The following PALD1 variants were observed in gnomAD, a reference collection of about 807,000 sequenced individuals.
PALD1 encodes paladin.
Under a neutral mutation model 96.0 loss-of-function variants are expected in PALD1, and 57 were observed. The ratio of observed to expected loss-of-function variants is 0.59; its 90% CI spans 0.48 to 0.74. The LOEUF (loss-of-function observed/expected upper bound fraction) is 0.74. Among genes scored for constraint, PALD1 ranks in the 30% least tolerant of loss-of-function variants. PALD1 has a pLI of 0.00. For missense variants in PALD1, 1,063 were observed against 1,143.7 expected, an observed-to-expected ratio of 0.93 and a Z score of 1.02; for synonymous variants, 464 against 473.6, an observed-to-expected ratio of 0.98 and a Z score of 0.26.
intron 18 of PALD1, among the ~76,000 whole-genome samples, chr10:70,562,616 G>A (rs1385632008): frequency 6.6e-6 from 1 of 152,178 alleles, no homozygotes; most frequent in African/African-American, 2.4e-5. Context: ...AGATGTTCCT[G>A]GTGCCCGAGG....
At chr10:70,504,013 C>T (rs552838498) in intron 1 of PALD1, among the ~76,000 whole-genome samples, 22 of 152,346 alleles carry the variant, frequency 1.4e-4, no homozygotes, top group African/African-American at 3.4e-4. Flanking sequence ...CAGCCACCTG[C>T]GCACCCTTGG....
At chr10:70,525,692 C>T in intron 1 of PALD1, among the ~76,000 whole-genome samples, 1 of 152,080 alleles carries the variant, frequency 6.6e-6, no homozygotes, top group Admixed American at 6.6e-5. Flanking sequence ...ATCTTTATGT[C>T]TGTCTATGTC....
At chr10:70,548,411 C>T (rs996656350) in intron 18 of PALD1, among the ~76,000 whole-genome samples, 1 of 152,216 alleles carries the variant, frequency 6.6e-6, no homozygotes, top group Admixed American at 6.5e-5. Context: ...ACTCCCTGCT[C>T]TGTTGCACTC....
chr10:70,484,194 G>T (rs543512543), intron 1 of PALD1, among the ~76,000 whole-genome samples: 1 of 152,150 alleles, frequency 6.6e-6, no homozygotes, highest in East Asian at 1.9e-4. Flanking sequence ...ATAGAGATGG[G>T]GTTTCACCGC....
rs943128892 is a variant in PALD1 at position 70,533,843 on chromosome 10, T to A, written c.871-79T>A. ...GACTGTGGGGCAGGGTGGGCTGATG[T>A]CATGCTTTTCTCCCTGCTCAGGCCT... On this transcript the variant is annotated intron_variant, in intron 7 of 19. Coordinates refer to ENST00000263563, the MANE Select transcript of PALD1 (RefSeq NM_014431.3). The A allele has an allele frequency of 3.7e-6, 5 of 1,341,806 alleles. No individual in the cohort carries two copies. The African/African-American group carries it at 7.6e-5, about 20-fold the overall frequency. 83.1% of individuals were successfully genotyped at this position (1,341,806 alleles called of 1,614,324 possible). A position where few individuals can be genotyped will look rare whatever the true frequency, so the allele number is the denominator to read the frequency against.
chr10:70,470,887 C>A, the PALD1 span, among the ~76,000 whole-genome samples: 1 of 151,392 alleles, frequency 6.6e-6, no homozygotes, highest in African/African-American at 2.4e-5. Flanking sequence ...CCGCAACCTC[C>A]GCCTCCTGGG....
chr10:70,472,323 C>T, the PALD1 span, among the ~76,000 whole-genome samples: 3 of 152,246 alleles, frequency 2.0e-5, no homozygotes, highest in East Asian at 1.9e-4. Context: ...TGCAATGACG[C>T]GATCTTGGCT....
chr10:70,497,063 C>T (rs10999354), intron 1 of PALD1, among the ~76,000 whole-genome samples: 27,056 of 152,212 alleles, frequency 0.18, 2,543 homozygotes, highest in East Asian at 0.3. Flanking sequence ...TCTTCTCTGC[C>T]TTCCTCGCCC....
At chr10:70,466,397 A>G in the PALD1 span, among the ~76,000 whole-genome samples, 1 of 151,958 alleles carries the variant, frequency 6.6e-6, no homozygotes, top group Non-Finnish European at 1.5e-5. Flanking sequence ...GGTGCCCGCC[A>G]CCATGCCTGG....
chr10:70,516,311 T>C (rs1846618399), intron 1 of PALD1, among the ~76,000 whole-genome samples: 1 of 152,048 alleles, frequency 6.6e-6, no homozygotes, highest in Non-Finnish European at 1.5e-5. Flanking sequence ...TTTGTATTTT[T>C]ATAAAAAAGG....
chr10:70,465,264 G>A, the PALD1 span, among the ~76,000 whole-genome samples: 121 of 152,188 alleles, frequency 8.0e-4, no homozygotes, highest in Admixed American at 2.4e-3. Context: ...GTGAGCCACC[G>A]CACCCGGCCT....
the PALD1 span, among the ~76,000 whole-genome samples, chr10:70,468,252 GTT>G: frequency 1.4e-4 from 22 of 151,892 alleles, no homozygotes; most frequent in African/African-American, 5.1e-4. Context: ...ACCAGGTAAG[GTT>G]TTTTTTGAGA....
chr10:70,491,374 G>A (rs1214026217), intron 1 of PALD1, among the ~76,000 whole-genome samples: 1 of 152,072 alleles, frequency 6.6e-6, no homozygotes, highest in Non-Finnish European at 1.5e-5. Context: ...GCACCTCCAG[G>A]CTGCCATGGG....
intron 1 of PALD1, among the ~76,000 whole-genome samples, chr10:70,523,753 G>T (rs1395234942): frequency 6.6e-6 from 1 of 152,172 alleles, no homozygotes; most frequent in Non-Finnish European, 1.5e-5. Context: ...GGTGACAGGC[G>T]TGAGTGGGGT....
At chr10:70,492,518 G>T (rs751143929) in intron 1 of PALD1, among the ~76,000 whole-genome samples, 1 of 138,184 alleles carries the variant, frequency 7.2e-6, no homozygotes, top group African/African-American at 2.6e-5. Context: ...GTGCAGTGGC[G>T]CAATCTTGGC....
At chr10:70,491,011 T>C (rs951036409) in intron 1 of PALD1, among the ~76,000 whole-genome samples, 3 of 152,124 alleles carry the variant, frequency 2.0e-5, no homozygotes, top group African/African-American at 7.2e-5. Flanking sequence ...CATGGTGCGA[T>C]CTGGGCTCAC....
At chr10:70,533,112 G>C in intron 7 of PALD1, 42 bp downstream of exon 7, 2 of 1,504,652 alleles carry the variant, frequency 1.3e-6, no homozygotes, top group African/African-American at 1.4e-5. Context: ...AGTCTTGAGA[G>C]TCGTCCCCAT....
At chr10:70,496,554 A>C (rs552313094) in intron 1 of PALD1, among the ~76,000 whole-genome samples, 59 of 152,354 alleles carry the variant, frequency 3.9e-4, no homozygotes, top group African/African-American at 1.3e-3. Flanking sequence ...TTCATTCCAC[A>C]TCAGCCCTGA....
At chr10:70,561,774 G>T (rs1847742486) in intron 18 of PALD1, among the ~76,000 whole-genome samples, 2 of 152,006 alleles carry the variant, frequency 1.3e-5, no homozygotes, top group South Asian at 4.1e-4. Context: ...ACCCTGGGAG[G>T]GGGTTCCCTG....
Sources: gnomAD v4.1 joint callset for allele counts (sites outside exome capture counted in the v4.1 genomes callset) on GRCh38, gnomAD v4.1.1 for gene constraint, MANE v1.5 for transcripts, NCBI Gene and HGNC (gene_info 2026-07-23, HGNC 2026-07-21) for gene names.